KIAA1671: variants seen among roughly 807,000 people sequenced by gnomAD.
The protein encoded by KIAA1671 is uncharacterized protein KIAA1671.
A neutral mutation model predicts 131.2 loss-of-function variants in KIAA1671; 52 were observed. That is an observed-to-expected ratio of 0.40 (90% CI 0.32 to 0.50). The LOEUF (loss-of-function observed/expected upper bound fraction) is 0.50, where lower values mean the gene tolerates loss of function less well. Ranked by LOEUF, KIAA1671 falls within the 20% of genes least tolerant of loss-of-function variation. The probability of loss-of-function intolerance (pLI) is 0.73; values close to 1 mark genes in which losing one functional copy is unlikely to be tolerated. For synonymous variants in KIAA1671, 1,003 were observed against 961.6 expected (o/e 1.04, Z -0.80); for missense variants, 2,360 against 2,364.2 (o/e 1.00, Z 0.04).
At chr22:24,965,059 T>C (rs187821929) in intron 1 of KIAA1671, among the ~76,000 whole-genome samples, 238 of 148,640 alleles carry the variant, frequency 1.6e-3, no homozygotes, top group African/African-American at 5.5e-3. Flanking sequence ...TAAGATTAGA[T>C]ACAGCAACCA....
Position 25,041,095 on chromosome 22 carries a change from C to T in KIAA1671, c.3965C>T (p.Thr1322Met). 1 of 1,542,850 alleles carries T rather than the reference C, an allele frequency of 6.5e-7. No individual in the cohort carries two copies. The highest frequency in any genetic ancestry group is 1.2e-5 in the South Asian group (1 of 83,012). Residue 1322 changes from threonine (T) to methionine (M), a missense_variant, in exon 5 of 13, where the codon ACG (threonine) becomes ATG (methionine). Around this residue, in one of 3 missense-constraint regions of KIAA1671, gnomAD observed 1,161 missense variants for 1,204.7 expected, o/e 0.96. Coordinates refer to ENST00000358431, the MANE Select transcript of KIAA1671 (RefSeq NM_001145206.2). ...ATACCTGCGGATCCCAGGAAAAAAA[C>T]GGGGTTTGCTGAGGATGACAGAAAG... ...SPIPADPRKK[T>M]GFAEDDRKAF...
At chr22:24,984,714 C>A (rs1923421945) in intron 1 of KIAA1671, among the ~76,000 whole-genome samples, 1 of 151,982 alleles carries the variant, frequency 6.6e-6, no homozygotes, top group Non-Finnish European at 1.5e-5. Flanking sequence ...GAGATTGAGA[C>A]CATCCTGGTC....
At chr22:24,973,403 T>G (rs201293965) in intron 1 of KIAA1671, among the ~76,000 whole-genome samples, 41 of 104,938 alleles carry the variant, frequency 3.9e-4, no homozygotes, top group South Asian at 7.8e-4. Context: ...TTTTTTTTTT[T>G]TTTTTTTTTT....
rs1422802025 is a variant in KIAA1671 at position 25,197,318 on chromosome 22, C to G, written c.*4917C>G. On this transcript the variant is annotated 3_prime_UTR_variant, in exon 13 of 13. Transcript: ENST00000358431. ...ATATTTTGTAACTGTAAAGAAGTTT[C>G]ATATGCACAGAAGAGCAGTTGGAAA... The G allele has an allele frequency of 6.6e-6, 1 of 152,212 alleles. No individual in the cohort carries two copies. The highest frequency in any genetic ancestry group is 1.9e-4 in the East Asian group (1 of 5,204). 9.4% of individuals were successfully genotyped at this position (152,212 alleles called of 1,614,324 possible).
At chr22:25,109,144 C>CT (rs1268009443) in intron 6 of KIAA1671, among the ~76,000 whole-genome samples, 1 of 151,568 alleles carries the variant, frequency 6.6e-6, no homozygotes, top group Non-Finnish European at 1.5e-5. Context: ...GAGTCTCACT[C>CT]TGTCACCCAG....
At position 25,194,390 on chromosome 22, in the gene KIAA1671, A is replaced by C. The variant is rs918666662; in HGVS notation, c.*1989A>C. 3 of 152,138 alleles carry C rather than the reference A, an allele frequency of 2.0e-5. No homozygotes were observed. Among genetic ancestry groups the C allele is most frequent in the African/African-American group, 7.2e-5 (3 of 41,422 alleles). 9.4% of individuals were successfully genotyped at this position (152,138 alleles called of 1,614,324 possible). On this transcript the variant is annotated 3_prime_UTR_variant, in exon 13 of 13. Coordinates refer to ENST00000358431, the MANE Select transcript of KIAA1671 (RefSeq NM_001145206.2). ...TGCACCTGGCCTGAAACACATTCCT[A>C]GTCTTTTGATCCTGACTTCTTATCT...
chr22:25,185,961 T>C (rs1157222281), intron 11 of KIAA1671: 2 of 152,246 alleles, frequency 1.3e-5, no homozygotes, highest in African/African-American at 4.8e-5. Context: ...GGATTGTTCC[T>C]GATGCTAGAG....
chr22:25,183,438 C>CTCCT (rs1271524677), intron 10 of KIAA1671, among the ~76,000 whole-genome samples: 1 of 87,146 alleles, frequency 1.1e-5, no homozygotes, highest in African/African-American at 3.3e-5. Context: ...CCCTCCCTCC[C>CTCCT]TCCCTCCCTC....
At chr22:24,984,202 C>G (rs1247840067) in intron 1 of KIAA1671, among the ~76,000 whole-genome samples, 1 of 152,132 alleles carries the variant, frequency 6.6e-6, no homozygotes, top group African/African-American at 2.4e-5. Flanking sequence ...GGGTACATGC[C>G]TTAAGGGTTA....
chr22:24,965,204 C>T (rs1922233094), intron 1 of KIAA1671, among the ~76,000 whole-genome samples: 3 of 151,684 alleles, frequency 2.0e-5, no homozygotes, highest in Admixed American at 2.0e-4. Flanking sequence ...CACCTGAGGT[C>T]AGGAATTCGA....
chr22:25,065,647 A>ATT (rs796321980), intron 6 of KIAA1671, among the ~76,000 whole-genome samples: 1 of 148,298 alleles, frequency 6.7e-6, no homozygotes. Context: ...TATTATTATT[A>ATT]TTTTTTTTTT....
intron 6 of KIAA1671, among the ~76,000 whole-genome samples, chr22:25,067,442 T>C (rs1928539409): frequency 1.3e-5 from 2 of 152,082 alleles, no homozygotes; most frequent in South Asian, 4.1e-4. Context: ...TTGCCCTGCC[T>C]GTCGCTCTCC....
At chr22:25,133,040 T>G (rs1932511503) in intron 6 of KIAA1671, among the ~76,000 whole-genome samples, 1 of 105,960 alleles carries the variant, frequency 9.4e-6, no homozygotes, top group Non-Finnish European at 1.7e-5. Context: ...GGTGACAGAG[T>G]GAGACTCCAT....
chr22:24,956,070 G>A (rs1921681232), intron 1 of KIAA1671, among the ~76,000 whole-genome samples: 1 of 151,834 alleles, frequency 6.6e-6, no homozygotes, highest in Non-Finnish European at 1.5e-5. Context: ...ATCCTGGTGA[G>A]AGACCGCGGT....
rs1025690624 is a variant in KIAA1671 at position 25,038,827 on chromosome 22, G to A, written c.1697G>A (p.Arg566Gln). ...PRSPWKPGTL[R>Q]DKSRQTEQKV... is the part of the protein sequence containing the mutation. ...AGCCCCTGGAAGCCTGGGACACTCC[G>A]GGATAAGTCCAGGCAGACGGAGCAG... Residue 566 changes from arginine to glutamine, a missense_variant, in exon 5 of 13, where the codon CGG becomes CAG. Arg to Gln is a conservative substitution (Grantham distance 43). Around this residue, in one of 3 missense-constraint regions of KIAA1671, gnomAD observed 1,185 missense variants for 1,126.2 expected, o/e 1.05. Coordinates refer to ENST00000358431, the MANE Select transcript of KIAA1671 (RefSeq NM_001145206.2). 2.2e-5 allele frequency: 34 copies of A among 1,551,868 alleles called. No homozygotes were observed. The highest frequency in any genetic ancestry group is 3.9e-5 in the Admixed American group (2 of 51,004).
chr22:24,957,007 G>T (rs1178061877), intron 1 of KIAA1671, among the ~76,000 whole-genome samples: 1 of 152,166 alleles, frequency 6.6e-6, no homozygotes, highest in Non-Finnish European at 1.5e-5. Flanking sequence ...TCTGTAAAAA[G>T]GGCTCATGAT....
chr22:25,129,558 T>C (rs1265019894), intron 6 of KIAA1671, among the ~76,000 whole-genome samples: 1 of 151,400 alleles, frequency 6.6e-6, no homozygotes, highest in East Asian at 1.9e-4. Flanking sequence ...TGGGTTTGAA[T>C]CACAGCTTTT....
chr22:25,003,446 C>G (rs907611250), intron 1 of KIAA1671, among the ~76,000 whole-genome samples: 1 of 123,658 alleles, frequency 8.1e-6, no homozygotes, highest in African/African-American at 3.3e-5. Context: ...GAGTCTTGCT[C>G]TGTCGCCCAG....
chr22:25,157,712 T>C (rs944878138), intron 6 of KIAA1671, among the ~76,000 whole-genome samples: 15 of 152,072 alleles, frequency 9.9e-5, no homozygotes, highest in African/African-American at 3.4e-4. Flanking sequence ...TGGGCATTTT[T>C]CTTCTCCCTC....
Sources: gnomAD v4.1 joint callset for allele counts (sites outside exome capture counted in the v4.1 genomes callset) on GRCh38, gnomAD v4.1.1 for gene constraint, gnomAD v4.1.1 regional missense constraint, MANE v1.5 for transcripts, NCBI Gene and HGNC (gene_info 2026-07-23, HGNC 2026-07-21) for gene names.